The following HPSE2 variants were observed in gnomAD, a reference collection of about 807,000 sequenced individuals.
HPSE2 encodes the protein inactive heparanase-2.
HPSE2 carries 38 observed loss-of-function variants against 60.5 expected under a neutral mutation model. The ratio of observed to expected loss-of-function variants is 0.63; its 90% CI spans 0.48 to 0.82. The LOEUF (loss-of-function observed/expected upper bound fraction) is 0.82. Among genes scored for constraint, HPSE2 ranks in the 40% least tolerant of loss-of-function variants. HPSE2 has a pLI of 0.00. For synonymous variants in HPSE2, 295 were observed against 293.2 expected, an observed-to-expected ratio of 1.01 and a Z score of -0.06; for missense variants, 713 against 740.4, an observed-to-expected ratio of 0.96 and a Z score of 0.43.
intron 9 of HPSE2, among the ~76,000 whole-genome samples, chr10:98,573,041 A>G (rs1250066921): frequency 1.3e-5 from 2 of 152,216 alleles, no homozygotes; most frequent in Admixed American, 6.5e-5. Context: ...GGTGTAGCAG[A>G]AAGGGCACTA....
intron 6 of HPSE2, among the ~76,000 whole-genome samples, chr10:98,685,634 G>A (rs576556795): frequency 9.2e-5 from 14 of 152,106 alleles, no homozygotes; most frequent in African/African-American, 2.4e-4. Context: ...ACAATGATTT[G>A]TTTATCCATT....
chr10:98,839,083 G>A (rs889514793), intron 3 of HPSE2, among the ~76,000 whole-genome samples: 1 of 152,150 alleles, frequency 6.6e-6, no homozygotes, highest in African/African-American at 2.4e-5. Flanking sequence ...CTTTACTAAT[G>A]TAGGTAATGA....
chr10:98,597,385 C>T (rs1945268528), intron 9 of HPSE2, among the ~76,000 whole-genome samples: 2 of 152,200 alleles, frequency 1.3e-5, no homozygotes, highest in Non-Finnish European at 1.5e-5. Flanking sequence ...AAATTTGTGG[C>T]CATGTGCCAC....
chr10:99,235,487 A>G, intron 1 of HPSE2, 26 bp downstream of exon 1: 1 of 1,613,078 alleles, frequency 6.2e-7, no homozygotes, highest in South Asian at 1.1e-5. Flanking sequence ...AAAATTTTAA[A>G]TGATCCATCG....
intron 3 of HPSE2, among the ~76,000 whole-genome samples, chr10:98,906,763 G>A (rs1268654306): frequency 1.3e-5 from 2 of 152,102 alleles, no homozygotes; most frequent in African/African-American, 4.8e-5. Context: ...ACTTAGCCGG[G>A]CGTGGTGGCA....
At chr10:98,603,869 G>T (rs1229182568) in intron 9 of HPSE2, among the ~76,000 whole-genome samples, 2 of 152,050 alleles carry the variant, frequency 1.3e-5, no homozygotes, top group Non-Finnish European at 2.9e-5. Context: ...CCATGCAGGA[G>T]AAGGGAAATA....
chr10:99,252,474 T>A, the HPSE2 span, among the ~76,000 whole-genome samples: 2 of 152,164 alleles, frequency 1.3e-5, no homozygotes, highest in African/African-American at 2.4e-5. Flanking sequence ...TTTGGCAATG[T>A]TTCAGGATAC....
At chr10:99,275,056 T>C in the HPSE2 span, among the ~76,000 whole-genome samples, 39 of 152,338 alleles carry the variant, frequency 2.6e-4, no homozygotes, top group Admixed American at 6.5e-4. Context: ...ATGTAGAAAT[T>C]TGGGCTCCTG....
At chr10:99,018,081 T>G (rs1332917410) in intron 3 of HPSE2, among the ~76,000 whole-genome samples, 2 of 152,230 alleles carry the variant, frequency 1.3e-5, no homozygotes, top group African/African-American at 4.8e-5. Flanking sequence ...ACCTCATCAG[T>G]AGGAATCTGT....
chr10:98,778,209 C>G lies in HPSE2; in HGVS notation c.611-34153G>C, dbSNP rs185510603. Among the ~76,000 whole-genome samples the G allele has an allele frequency of 2.9e-3, 422 of 144,684 alleles. 1 individual carries two copies. The highest frequency in any genetic ancestry group is 5.1e-3 in the Non-Finnish European group (343 of 66,674). The allele number at this position is 144,684 out of a possible 152,430, so 94.9% of individuals were successfully genotyped here. On this transcript the variant is annotated intron_variant, in intron 3 of 11. Transcript: ENST00000370552. ...TAAAGATCCATGGGAGAAGCACATG[C>G]CCATGAGGACCAACAAGAAATCTGG... is the stretch of plus-strand genomic sequence containing the variant.
At chr10:98,662,785 T>G (rs979056577) in intron 6 of HPSE2, among the ~76,000 whole-genome samples, 1 of 152,182 alleles carries the variant, frequency 6.6e-6, no homozygotes, top group Non-Finnish European at 1.5e-5. Flanking sequence ...TCCTCTTATT[T>G]TACAGCTAGG....
intron 3 of HPSE2, among the ~76,000 whole-genome samples, chr10:98,752,551 C>T (rs1167886893): frequency 6.6e-6 from 1 of 152,080 alleles, no homozygotes; most frequent in Non-Finnish European, 1.5e-5. Context: ...AATAATTTGG[C>T]TGGGATTGCA....
chr10:98,976,314 A>G (rs1468358002), intron 3 of HPSE2, among the ~76,000 whole-genome samples: 2 of 152,218 alleles, frequency 1.3e-5, no homozygotes, highest in Admixed American at 6.5e-5. Context: ...AGTGCTTACT[A>G]TGTGCCAGGT....
At chr10:99,178,548 C>A (rs1363130017) in intron 2 of HPSE2, among the ~76,000 whole-genome samples, 2 of 152,228 alleles carry the variant, frequency 1.3e-5, no homozygotes, top group East Asian at 3.9e-4. Context: ...TGGACACATA[C>A]ACCCTCCAAA....
chr10:99,283,630 G>A, the HPSE2 span, among the ~76,000 whole-genome samples: 16 of 151,848 alleles, frequency 1.1e-4, no homozygotes, highest in African/African-American at 3.9e-4. Context: ...TAAAAAAAGA[G>A]AGAAGACCCA....
chr10:98,917,977 C>T (rs1954169148), intron 3 of HPSE2, among the ~76,000 whole-genome samples: 1 of 152,118 alleles, frequency 6.6e-6, no homozygotes, highest in Non-Finnish European at 1.5e-5. Context: ...CAGTTCAGGG[C>T]CATACTTGCA....
intron 11 of HPSE2, among the ~76,000 whole-genome samples, chr10:98,463,856 C>T (rs1396559219): frequency 1.3e-5 from 2 of 151,126 alleles, no homozygotes; most frequent in Non-Finnish European, 3.0e-5. Flanking sequence ...CGGTGGTTCA[C>T]GCCTGTAATC....
At chr10:98,717,362 C>T (rs1424686251) in intron 5 of HPSE2, among the ~76,000 whole-genome samples, 1 of 152,098 alleles carries the variant, frequency 6.6e-6, no homozygotes, top group Non-Finnish European at 1.5e-5. Flanking sequence ...CCTTCAAGAA[C>T]TTTACCTTTA....
chr10:98,461,046 C>A (rs1053200308), intron 11 of HPSE2, among the ~76,000 whole-genome samples: 1 of 152,262 alleles, frequency 6.6e-6, no homozygotes, highest in African/African-American at 2.4e-5. Flanking sequence ...AGTGTGATAA[C>A]ATTGCCGTGA....
Sources: allele counts gnomAD v4.1 joint callset (sites outside exome capture counted in the v4.1 genomes callset), GRCh38; gene constraint gnomAD v4.1.1; transcripts MANE v1.5; gene names NCBI Gene and HGNC (gene_info 2026-07-23, HGNC 2026-07-21).